The following MTAP variants were observed in gnomAD, a reference collection of about 807,000 sequenced individuals.
MTAP encodes the protein methylthioadenosine phosphorylase, also known as S-methyl-5'-thioadenosine phosphorylase.
In MTAP, 33 loss-of-function variants were observed where a neutral mutation model predicts 33.6. The observed-to-expected ratio is 0.98, with a 90% CI of 0.74 to 1.31. MTAP has a LOEUF of 1.31. Among genes scored for constraint, MTAP ranks in the 40% most tolerant of loss-of-function variants. MTAP has a pLI of 0.00. For missense variants in MTAP, 367 were observed against 360.0 expected (o/e 1.02, Z -0.16); for synonymous variants, 148 against 125.7 (o/e 1.18, Z -1.19).
In MTAP at chr9:21,865,445, C is replaced by T. The variant is rs1307021661; in HGVS notation, c.*3431C>T. The T allele has an allele frequency of 9.1e-6, 9 of 985,326 alleles. No homozygotes were observed. In the East Asian group the frequency reaches 1.0e-3, roughly 112 times the overall value. The allele number at this position is 985,326 out of a possible 1,614,324, so 61.0% of individuals were successfully genotyped here. ...CAGCATGAGAATGGACTAATACACT[C>T]CTCAAATGTTTTGAAGATTGTTGCA... On this transcript the variant is annotated 3_prime_UTR_variant, in exon 8 of 8. Transcript: ENST00000644715.
At chr9:21,831,495 A>AT (rs5896954) in intron 4 of MTAP, among the ~76,000 whole-genome samples, 28 of 149,092 alleles carry the variant, frequency 1.9e-4, no homozygotes, top group South Asian at 4.3e-4. Flanking sequence ...GTGCTTGGTA[A>AT]TTTTTTTTTT....
intron 1 of MTAP, among the ~76,000 whole-genome samples, chr9:21,886,603 G>A (rs1448427844): frequency 6.6e-6 from 1 of 152,048 alleles, no homozygotes; most frequent in Non-Finnish European, 1.5e-5. Flanking sequence ...TCCATCTTGA[G>A]TTGACTTTTG....
intron 1 of MTAP, among the ~76,000 whole-genome samples, chr9:21,880,890 T>G (rs13300268): frequency 0.13 from 19,193 of 152,034 alleles, 1,591 homozygotes; most frequent in Non-Finnish European, 0.19. Context: ...GCATTTTTTT[T>G]GCAGAAACAT....
downstream of MTAP, among the ~76,000 whole-genome samples, chr9:21,940,623 G>T (rs1218463513): frequency 1.3e-5 from 2 of 152,092 alleles, no homozygotes; most frequent in African/African-American, 4.8e-5. Context: ...AATTTACTAG[G>T]ACAATTAACG....
chr9:21,845,296 A>G (rs1825351420), intron 5 of MTAP, among the ~76,000 whole-genome samples: 1 of 152,210 alleles, frequency 6.6e-6, no homozygotes, highest in South Asian at 2.1e-4. Flanking sequence ...AGACTCATCC[A>G]AAAAGCTCCT....
At chr9:21,859,559 A>G (rs556366084) in intron 7 of MTAP, 134 bp downstream of exon 7, 2 of 998,822 alleles carry the variant, frequency 2.0e-6, no homozygotes, top group South Asian at 3.9e-5. Flanking sequence ...TGTGACATCT[A>G]CTACTACCAT....
chr9:21,884,055 T>A (rs1255218679), intron 1 of MTAP, among the ~76,000 whole-genome samples: 1 of 152,130 alleles, frequency 6.6e-6, no homozygotes, highest in African/African-American at 2.4e-5. Flanking sequence ...GCAAGAAGTT[T>A]CTTTATCCTG....
chr9:21,821,662 C>T (rs1824643407), intron 4 of MTAP, among the ~76,000 whole-genome samples: 1 of 152,146 alleles, frequency 6.6e-6, no homozygotes, highest in African/African-American at 2.4e-5. Flanking sequence ...GGAGGATTCC[C>T]TCTTTTTTTA....
intron 1 of MTAP, chr9:21,930,469 A>G (rs1045239758): frequency 9.0e-5 from 20 of 223,084 alleles, no homozygotes; most frequent in Admixed American, 6.9e-4. Flanking sequence ...TTCCAGCACC[A>G]ATCCATGGGA....
chr9:21,816,090 T>C (rs1824467109), intron 2 of MTAP, among the ~76,000 whole-genome samples: 1 of 152,194 alleles, frequency 6.6e-6, no homozygotes, highest in Admixed American at 6.5e-5. Flanking sequence ...TGCATTCTCC[T>C]AATTCCATAT....
chr9:21,858,625 G>A (rs574152184), intron 6 of MTAP, among the ~76,000 whole-genome samples: 1 of 152,124 alleles, frequency 6.6e-6, no homozygotes, highest in African/African-American at 2.4e-5. Flanking sequence ...TAAACCATTC[G>A]TGAGAAATCC....
chr9:21,828,239 C>G (rs1323522818), intron 4 of MTAP, among the ~76,000 whole-genome samples: 1 of 152,224 alleles, frequency 6.6e-6, no homozygotes, highest in Non-Finnish European at 1.5e-5. Flanking sequence ...TTCAAAGTCT[C>G]TAATAAGTGC....
intron 1 of MTAP, among the ~76,000 whole-genome samples, chr9:21,804,179 C>T (rs1824144162): frequency 6.6e-6 from 1 of 152,164 alleles, no homozygotes; most frequent in Non-Finnish European, 1.5e-5. Flanking sequence ...ATGGTAGAAG[C>T]TTATTAAGTG....
chr9:21,845,637 A>G (rs903178317), intron 5 of MTAP, among the ~76,000 whole-genome samples: 2 of 152,108 alleles, frequency 1.3e-5, no homozygotes, highest in African/African-American at 4.8e-5. Context: ...AGTTTCCTTC[A>G]GAGTACCACC....
At chr9:21,932,590 C>T (rs1272641433), downstream of MTAP, 1 of 151,310 alleles carries the variant, frequency 6.6e-6, no homozygotes, top group Non-Finnish European at 1.5e-5. Flanking sequence ...ACTCAGCATG[C>T]ATAAGGACTA....
intron 4 of MTAP, among the ~76,000 whole-genome samples, chr9:21,824,602 G>T (rs985043417): frequency 6.6e-6 from 1 of 152,156 alleles, no homozygotes; most frequent in Non-Finnish European, 1.5e-5. Context: ...ACTCTGTGCT[G>T]GGAGAACCAC....
intron 1 of MTAP, among the ~76,000 whole-genome samples, chr9:21,897,006 G>A (rs1818306512): frequency 6.6e-6 from 1 of 152,146 alleles, no homozygotes; most frequent in Admixed American, 6.5e-5. Flanking sequence ...ACCGAATCCA[G>A]CAGCACATCA....
At chr9:21,821,762 T>A (rs1205945694) in intron 4 of MTAP, among the ~76,000 whole-genome samples, 4 of 152,212 alleles carry the variant, frequency 2.6e-5, no homozygotes, top group Non-Finnish European at 5.9e-5. Flanking sequence ...TCCTGGACTT[T>A]TTTTGGTTGG....
At chr9:21,819,128 C>A (rs928566461) in intron 4 of MTAP, among the ~76,000 whole-genome samples, 2 of 136,002 alleles carry the variant, frequency 1.5e-5, no homozygotes, top group African/African-American at 6.0e-5. Context: ...TGTATATATA[C>A]CACATTTTCT....
Sources: allele counts gnomAD v4.1 joint callset (sites outside exome capture counted in the v4.1 genomes callset), GRCh38; gene constraint gnomAD v4.1.1; transcripts MANE v1.5; gene names NCBI Gene and HGNC (gene_info 2026-07-23, HGNC 2026-07-21).